Variants in ANKHD1 observed in about 807,000 individuals in gnomAD.
The protein encoded by ANKHD1 is ankyrin repeat and KH domain containing 1.
Under a neutral mutation model 230.5 loss-of-function variants are expected in ANKHD1, and 31 were observed. The observed-to-expected ratio is 0.13, with a 90% CI of 0.10 to 0.18. The LOEUF is 0.18. ANKHD1 is among the 10% of genes least tolerant of loss of function. The pLI, the probability that ANKHD1 is intolerant of heterozygous loss-of-function variation, is 1.00. For synonymous variants in ANKHD1, 1,074 were observed against 1,117.6 expected (o/e 0.96, Z 0.78); for missense variants, 2,256 against 3,071.3 (o/e 0.73, Z 6.27).
In ANKHD1 at chr5:140,449,194, T is replaced by C. The variant is rs1175739175; in HGVS notation, c.1148-17T>C. 2.5e-6 allele frequency: 4 copies of C among 1,592,554 alleles called. No individual in the cohort carries two copies. Among genetic ancestry groups the C allele is most frequent in the Non-Finnish European group, 2.6e-6 (3 of 1,168,438 alleles). On this transcript the variant is annotated splice_polypyrimidine_tract_variant and intron_variant, in intron 6 of 33. Transcript: ENST00000360839. ...CTGATAGTGAATTCTTTTAAAATTT[T>C]TGTTCCTTTTTTCAAGGCCATTTGG...
At chr5:140,523,757 C>T (rs1193076656) in intron 24 of ANKHD1, among the ~76,000 whole-genome samples, 5 of 151,904 alleles carry the variant, frequency 3.3e-5, no homozygotes, top group Non-Finnish European at 7.4e-5. Flanking sequence ...GATGAGGTTT[C>T]GCCATGTTGG....
intron 1 of ANKHD1, among the ~76,000 whole-genome samples, chr5:140,419,816 TTCTTTCTTTCTTTC>T (rs1561691104): frequency 7.0e-6 from 1 of 142,342 alleles, no homozygotes; most frequent in Non-Finnish European, 1.5e-5. Flanking sequence ...CTTTCTTTCT[TTCTTTCTTTCTTTC>T]TTTCTTTTTC....
rs555574392 is a variant in ANKHD1, at chr5:140,456,298, T to C, written c.1243-2327T>C. On this transcript the variant is annotated intron_variant, in intron 7 of 33. Coordinates refer to ENST00000360839, the MANE Select transcript of ANKHD1 (RefSeq NM_017747.3). Reference sequence around the variant, plus strand: ...TGGCCATACTGCCCAAAGTAATTTATAGATTCAATGCCATCCCCATCAAGC... The same window carrying C: ...TGGCCATACTGCCCAAAGTAATTTACAGATTCAATGCCATCCCCATCAAGC... 3.2e-4 allele frequency among the ~76,000 whole-genome samples: 48 copies of C among 152,318 alleles called. 1 individual carries two copies. In the South Asian group the frequency reaches 6.0e-3, roughly 19 times the overall value.
chr5:140,476,726 C>A (rs1258835515), intron 10 of ANKHD1, among the ~76,000 whole-genome samples: 1 of 151,950 alleles, frequency 6.6e-6, no homozygotes, highest in African/African-American at 2.4e-5. Flanking sequence ...AAAGTGAGTC[C>A]TGGAGGAAGG....
chr5:140,490,716 T>G (rs1367501285), intron 14 of ANKHD1, among the ~76,000 whole-genome samples: 1 of 152,228 alleles, frequency 6.6e-6, no homozygotes, highest in African/African-American at 2.4e-5. Flanking sequence ...ATTAATCTGC[T>G]GCAAAGCATT....
chr5:140,447,875 T>A (rs187551034), intron 6 of ANKHD1, among the ~76,000 whole-genome samples: 9 of 152,320 alleles, frequency 5.9e-5, no homozygotes, highest in African/African-American at 1.7e-4. Flanking sequence ...TGCGGCCTTA[T>A]AACTACCACT....
chr5:140,447,361 C>T (rs1448908861), intron 6 of ANKHD1, among the ~76,000 whole-genome samples: 3 of 152,046 alleles, frequency 2.0e-5, no homozygotes, highest in Non-Finnish European at 2.9e-5. Flanking sequence ...CACCACCATA[C>T]CCAGCTAATT....
intron 5 of ANKHD1, among the ~76,000 whole-genome samples, chr5:140,445,117 C>T (rs1235624383): frequency 6.6e-6 from 1 of 151,970 alleles, no homozygotes; most frequent in Admixed American, 6.6e-5. Context: ...ACCTTGGCCT[C>T]CCAAAGTGCT....
chr5:140,413,159 T>G (rs1771076665), intron 1 of ANKHD1, among the ~76,000 whole-genome samples: 1 of 152,180 alleles, frequency 6.6e-6, no homozygotes, highest in South Asian at 2.1e-4. Context: ...GTTTATTAAG[T>G]TGCCAAGGTA....
At chr5:140,535,325 T>C in intron 29 of ANKHD1, 37 bp from the exon 30 acceptor site, 1 of 1,531,082 alleles carries the variant, frequency 6.5e-7, no homozygotes, top group Non-Finnish European at 8.8e-7. Flanking sequence ...TTTTAAAGTT[T>C]TAGCTAATTG....
intron 5 of ANKHD1, among the ~76,000 whole-genome samples, chr5:140,444,014 A>T (rs1738645875): frequency 6.6e-6 from 1 of 151,628 alleles, no homozygotes; most frequent in African/African-American, 2.4e-5. Context: ...TGTTGTTCTC[A>T]GTACCTTTAT....
At chr5:140,520,324 G>A (rs1753267095) in intron 24 of ANKHD1, among the ~76,000 whole-genome samples, 2 of 151,704 alleles carry the variant, frequency 1.3e-5, no homozygotes, top group Admixed American at 1.3e-4. Context: ...CTTTTACACT[G>A]TTGGTGGGAC....
chr5:140,528,364 A>G lies in ANKHD1; in HGVS notation c.5418A>G (p.Ala1806=), dbSNP rs1184874661. 6 of 1,613,954 alleles carry G rather than the reference A, an allele frequency of 3.7e-6. No individual in the cohort carries two copies. In the South Asian group the frequency reaches 5.5e-5, roughly 15 times the overall value. Residue 1806 remains alanine, a synonymous_variant, in exon 29 of 34, where the codon GCA becomes GCG. Transcript: ENST00000360839. ...VGTTAASSKN[A]FPLGAPTLVT... ...CCACAGCAGCTTCCAGTAAAAATGC[A>G]TTTCCTTTGGGTGCTCCAACTCTTG...
At chr5:140,455,661 A>G (rs1775119714) in intron 7 of ANKHD1, among the ~76,000 whole-genome samples, 1 of 152,246 alleles carries the variant, frequency 6.6e-6, no homozygotes, top group Non-Finnish European at 1.5e-5. Flanking sequence ...ACAAAATTCA[A>G]CAACCCTTCA....
At position 140,528,755 on chromosome 5, in the gene ANKHD1, G is replaced by A. The variant is rs1277342534; in HGVS notation, c.5809G>A (p.Val1937Ile). ...AGCTACTGCCAGTTGTCCTATCACT[G>A]TCTCTTCTGTAGTTGCTGCCAGTCA... ...GLATASCPITVSSVVAASQQL... is the reference protein window; with the variant it reads ...GLATASCPITISSVVAASQQL... Residue 1937 changes from valine to isoleucine, a missense_variant, in exon 29 of 34, where the codon GTC becomes ATC. Around this residue, in one of 13 missense-constraint regions of ANKHD1, gnomAD observed 778 missense variants for 966.5 expected, o/e 0.80. Coordinates refer to ENST00000360839, the MANE Select transcript of ANKHD1 (RefSeq NM_017747.3). 3.5e-5 allele frequency: 57 copies of A among 1,613,986 alleles called. No individual in the cohort carries two copies. The highest frequency in any genetic ancestry group is 4.8e-5 in the Non-Finnish European group (57 of 1,180,032).
In ANKHD1 at chr5:140,531,222, G is replaced by T. The variant is rs1393523516; in HGVS notation, c.6850+1426G>T. On this transcript the variant is annotated intron_variant, in intron 29 of 33. Coordinates refer to ENST00000360839, the MANE Select transcript of ANKHD1 (RefSeq NM_017747.3). ...TCTTGGCCCCATTTCTTAACTGCTT[G>T]TATGGTTTCTTTTGTTGATGCTCTT... is the stretch of plus-strand genomic sequence containing the variant. 1.1e-4 allele frequency: 38 copies of T among 357,868 alleles called. 1 individual carries two copies. Among genetic ancestry groups the T allele is most frequent in the South Asian group, 7.6e-4 (37 of 48,374 alleles). The allele number at this position is 357,868 out of a possible 1,614,324, so 22.2% of individuals were successfully genotyped here. A position where few individuals can be genotyped will look rare whatever the true frequency, so the allele number is the denominator to read the frequency against.
At chr5:140,420,306 G>A (rs1446757601) in intron 1 of ANKHD1, among the ~76,000 whole-genome samples, 2 of 151,850 alleles carry the variant, frequency 1.3e-5, no homozygotes, top group African/African-American at 4.8e-5. Context: ...TCACTTTCTT[G>A]TGTCACTTGA....
intron 5 of ANKHD1, among the ~76,000 whole-genome samples, chr5:140,444,004 T>C (rs1774074206): frequency 6.6e-6 from 1 of 151,744 alleles, no homozygotes. Context: ...AAAACCACCA[T>C]GTTGTTCTCA....
intron 1 of ANKHD1, among the ~76,000 whole-genome samples, chr5:140,417,155 T>C (rs1581211884): frequency 6.6e-6 from 1 of 152,072 alleles, no homozygotes; most frequent in Middle Eastern, 3.4e-3. Context: ...TTTTCCTGAT[T>C]TATCCTCATA....
Sources: allele counts gnomAD v4.1 joint callset (sites outside exome capture counted in the v4.1 genomes callset), GRCh38; gene constraint gnomAD v4.1.1; regional missense constraint gnomAD v4.1.1; transcripts MANE v1.5; gene names NCBI Gene and HGNC (gene_info 2026-07-23, HGNC 2026-07-21).